The following NEK2 variants were observed in gnomAD, a reference collection of about 807,000 sequenced individuals.
NEK2 encodes the protein NIMA related kinase 2.
In NEK2, 28 loss-of-function variants were observed where a neutral mutation model predicts 54.1. That is an observed-to-expected ratio of 0.52 (90% CI 0.38 to 0.71). The LOEUF is 0.71. Among genes scored for constraint, NEK2 ranks in the 30% least tolerant of loss-of-function variants. NEK2 has a pLI of 0.00. For synonymous variants in NEK2, 176 were observed against 193.1 expected (o/e 0.91, Z 0.73); for missense variants, 407 against 531.5 (o/e 0.77, Z 2.30).
At chr1:211,667,074 C>T (rs1422159884) in intron 7 of NEK2, 32 bp downstream of exon 7, 35 of 1,612,674 alleles carry the variant, frequency 2.2e-5, no homozygotes, top group Non-Finnish European at 2.6e-5. Flanking sequence ...ATTTGTAGCA[C>T]CAGCTTCTGT....
Position 211,675,601 on chromosome 1 carries a change from C to G in NEK2, c.-122G>C. The G allele has an allele frequency of 1.4e-6, 1 of 728,226 alleles. No homozygotes were observed. The highest frequency in any genetic ancestry group is 2.3e-6 in the Non-Finnish European group (1 of 434,630). 45.1% of individuals were successfully genotyped at this position (728,226 alleles called of 1,614,324 possible). A position where few individuals can be genotyped will look rare whatever the true frequency, so the allele number is the denominator to read the frequency against. On this transcript the variant is annotated 5_prime_UTR_variant, in exon 1 of 8. Transcript: ENST00000366999. ...GCCCCCGAGCAGCACTGACCCGCCACCCCTGCCTTGGGCCCCGTTTAACCG... is the reference window on the plus strand; with the variant it reads ...GCCCCCGAGCAGCACTGACCCGCCAGCCCTGCCTTGGGCCCCGTTTAACCG...
At chr1:211,672,150 G>C (rs1655411119) in intron 3 of NEK2, among the ~76,000 whole-genome samples, 1 of 152,092 alleles carries the variant, frequency 6.6e-6, no homozygotes, top group East Asian at 1.9e-4. Context: ...TCCTAGAAAG[G>C]TGAACTACTA....
intron 5 of NEK2, among the ~76,000 whole-genome samples, chr1:211,670,028 T>G (rs911419061): frequency 6.6e-6 from 1 of 152,188 alleles, no homozygotes; most frequent in African/African-American, 2.4e-5. Flanking sequence ...CTTTTTGCAA[T>G]CTTTCCTTGC....
At chr1:211,666,468 C>T in intron 7 of NEK2, 1 of 973,448 alleles carries the variant, frequency 1.0e-6, no homozygotes, top group Non-Finnish European at 1.2e-6. Flanking sequence ...TCTCTGAAAT[C>T]TGAAACATAC....
downstream of NEK2, chr1:211,660,844 G>T (rs1388482160): frequency 2.7e-5 from 19 of 710,460 alleles, no homozygotes; most frequent in Admixed American, 3.4e-4. Flanking sequence ...GTAGATACAT[G>T]CTTCCAGAAG....
chr1:211,675,340 C>T lies in NEK2; in HGVS notation c.96+44G>A, dbSNP rs111426206. 4 of 1,579,960 alleles carry T rather than the reference C, an allele frequency of 2.5e-6. 1 individual carries two copies. The highest frequency in any genetic ancestry group is 3.5e-6 in the Non-Finnish European group (4 of 1,151,034). Reference sequence around the variant, plus strand: ...GCGCAGGGCGCTCGCCCCGAGGCGACGAAACCTAAGCAGGGGCAGGCGCAG... The same window carrying T: ...GCGCAGGGCGCTCGCCCCGAGGCGATGAAACCTAAGCAGGGGCAGGCGCAG... On this transcript the variant is annotated intron_variant, in intron 1 of 7. Coordinates refer to ENST00000366999, the MANE Select transcript of NEK2 (RefSeq NM_002497.4).
At chr1:211,674,979 C>T (rs916379936) in intron 1 of NEK2, among the ~76,000 whole-genome samples, 4 of 152,118 alleles carry the variant, frequency 2.6e-5, no homozygotes, top group African/African-American at 9.7e-5. Flanking sequence ...ATCCAATAAT[C>T]CTAATAATGG....
downstream of NEK2, chr1:211,658,754 GA>G (rs146064437): frequency 0.69 from 114,564 of 164,946 alleles, 38,712 homozygotes; most frequent in African/African-American, 0.78. Flanking sequence ...AAAAAGGAAA[GA>G]AAAAAAAAGA....
intron 3 of NEK2, among the ~76,000 whole-genome samples, chr1:211,673,073 A>G (rs785318): frequency 0.25 from 37,284 of 151,026 alleles, 5,103 homozygotes; most frequent in East Asian, 0.47. Flanking sequence ...ATTACTAAAC[A>G]AACAGAAAAC....
At chr1:211,668,492 G>C (rs1655248911) in intron 6 of NEK2, among the ~76,000 whole-genome samples, 1 of 152,018 alleles carries the variant, frequency 6.6e-6, no homozygotes, top group African/African-American at 2.4e-5. Flanking sequence ...CTATTGAACT[G>C]CCTGAACAGA....
chr1:211,669,646 G>A (rs1286496313), intron 5 of NEK2: 2 of 331,736 alleles, frequency 6.0e-6, no homozygotes, highest in African/African-American at 4.3e-5. Flanking sequence ...GTCTGTTTTA[G>A]GGGAAGTACT....
At chr1:211,672,373 G>C (rs1655418951) in intron 3 of NEK2, among the ~76,000 whole-genome samples, 1 of 152,162 alleles carries the variant, frequency 6.6e-6, no homozygotes, top group African/African-American at 2.4e-5. Flanking sequence ...GATATGCAGA[G>C]CAGTACTTCT....
At chr1:211,667,392 G>C (rs766844533) in intron 6 of NEK2, among the ~76,000 whole-genome samples, 161 bp from the exon 7 acceptor site, 1 of 152,218 alleles carries the variant, frequency 6.6e-6, no homozygotes, top group Non-Finnish European at 1.5e-5. Flanking sequence ...GATTATGTTA[G>C]TTTTTAATTG....
intron 3 of NEK2, among the ~76,000 whole-genome samples, chr1:211,672,615 T>TA (rs71721781): frequency 0.21 from 29,679 of 138,990 alleles, 3,187 homozygotes; most frequent in East Asian, 0.45. Context: ...AGTAAAATAT[T>TA]AAAAAAAAAA....
chr1:211,671,335 G>A (rs1418664367), intron 3 of NEK2, 51 bp from the exon 4 acceptor site: 1 of 1,375,778 alleles, frequency 7.3e-7, no homozygotes, highest in South Asian at 1.2e-5. Context: ...AGTTTATTTT[G>A]TTTTGAAACT....
chr1:211,667,131 C>T lies in NEK2; in HGVS notation c.1086G>A (p.Lys362=). ...LKNYSLLKER[K]FLSLASNPEL... is the part of the protein sequence containing the mutation. Reference sequence around the variant, plus strand: ...CTGGATTACTTGCCAGAGACAGGAACTTCCGTTCCTTTAGCAAGCTGTAGT... The same window carrying T: ...CTGGATTACTTGCCAGAGACAGGAATTTCCGTTCCTTTAGCAAGCTGTAGT... The change falls in exon 7 of 8, where the codon AAG becomes AAA. Residue 362 remains lysine (K), a synonymous_variant. Coordinates refer to ENST00000366999, the MANE Select transcript of NEK2 (RefSeq NM_002497.4). The T allele has an allele frequency of 6.2e-7, 1 of 1,613,796 alleles. No individual in the cohort carries two copies.
rs1484616327 is a variant in NEK2 at position 211,663,494 on chromosome 1, C to G, written c.1270G>C (p.Ala424Pro). The change falls in exon 8 of 8, where the codon GCT (alanine) becomes CCT (proline). Residue 424 changes from alanine to proline, a missense_variant. Coordinates refer to ENST00000366999, the MANE Select transcript of NEK2 (RefSeq NM_002497.4). ...TTCTCAATATCTGACAGGGCTTGAG[C>G]CCGCAGCTGGGCAGCGTGAAGCCTT... ...KKRLHAAQLR[A>P]QALSDIEKNY... The G allele has an allele frequency of 1.2e-6, 2 of 1,613,812 alleles. No homozygotes were observed. Among genetic ancestry groups the G allele is most frequent in the East Asian group, 4.5e-5 (2 of 44,896 alleles).
chr1:211,660,560 G>A (rs1287589309), downstream of NEK2: 4 of 634,058 alleles, frequency 6.3e-6, no homozygotes, highest in Non-Finnish European at 1.2e-5. Flanking sequence ...CCCATCTCCA[G>A]CAGGATCTTC....
downstream of NEK2, among the ~76,000 whole-genome samples, chr1:211,661,477 C>CA (rs1274131086): frequency 2.0e-5 from 3 of 152,180 alleles, no homozygotes; most frequent in Non-Finnish European, 4.4e-5. Context: ...TTTGGGGATT[C>CA]AATCGAAAGC....
Sources: allele counts gnomAD v4.1 joint callset (sites outside exome capture counted in the v4.1 genomes callset), GRCh38; gene constraint gnomAD v4.1.1; transcripts MANE v1.5; gene names NCBI Gene and HGNC (gene_info 2026-07-23, HGNC 2026-07-21).